DLC1: variants seen among roughly 807,000 people sequenced by gnomAD.
DLC1 encodes rho GTPase-activating protein 7.
Under a neutral mutation model 140.3 loss-of-function variants are expected in DLC1, and 54 were observed. The observed-to-expected ratio is 0.38, with a 90% CI of 0.31 to 0.48. The LOEUF is 0.48. DLC1 is among the 20% of genes least tolerant of loss of function. The pLI is 0.96. For synonymous variants in DLC1, 986 were observed against 728.1 expected, an observed-to-expected ratio of 1.35 and a Z score of -5.70; for missense variants, 2,536 against 1,907.0, an observed-to-expected ratio of 1.33 and a Z score of -6.14.
At chr8:13,394,095 G>A (rs1836902614) in intron 3 of DLC1, among the ~76,000 whole-genome samples, 1 of 152,020 alleles carries the variant, frequency 6.6e-6, no homozygotes, top group African/African-American at 2.4e-5. Flanking sequence ...TTCCTCACAG[G>A]GCCACTGGAT....
chr8:13,333,310 G>A (rs1054966106), intron 4 of DLC1, among the ~76,000 whole-genome samples: 8 of 152,124 alleles, frequency 5.3e-5, no homozygotes, highest in Non-Finnish European at 8.8e-5. Flanking sequence ...ACTGCAGCTT[G>A]GAACACCTGG....
upstream of DLC1, among the ~76,000 whole-genome samples, chr8:13,519,639 A>G (rs1049617753): frequency 3.3e-5 from 5 of 152,204 alleles, no homozygotes; most frequent in African/African-American, 9.7e-5. Context: ...TTAAATTATC[A>G]AAAGTAGCAA....
At chr8:13,438,407 T>A (rs1486177679) in intron 2 of DLC1, among the ~76,000 whole-genome samples, 1 of 152,200 alleles carries the variant, frequency 6.6e-6, no homozygotes, top group African/African-American at 2.4e-5. Flanking sequence ...GCATTCTTTT[T>A]TGTTTCTCTG....
intron 1 of DLC1, among the ~76,000 whole-genome samples, chr8:13,588,696 A>G (rs1033751054): frequency 6.6e-6 from 1 of 152,286 alleles, no homozygotes; most frequent in East Asian, 1.9e-4. Context: ...AAGACAATTC[A>G]GAAATTATGG....
At chr8:13,363,361 C>A (rs576445726) in intron 4 of DLC1, among the ~76,000 whole-genome samples, 2 of 135,268 alleles carry the variant, frequency 1.5e-5, no homozygotes, top group East Asian at 4.4e-4. Flanking sequence ...GAATGCTAAG[C>A]ATTTGCAGTG....
chr8:13,120,864 C>T (rs148316244), intron 5 of DLC1, among the ~76,000 whole-genome samples: 4 of 152,188 alleles, frequency 2.6e-5, no homozygotes, highest in African/African-American at 9.6e-5. Flanking sequence ...CCTGTCTTCC[C>T]ATCACTCCTC....
At chr8:13,556,518 C>T (rs1804050980) in intron 1 of DLC1, among the ~76,000 whole-genome samples, 1 of 152,168 alleles carries the variant, frequency 6.6e-6, no homozygotes, top group African/African-American at 2.4e-5. Context: ...GGTACACTGC[C>T]TCTTCTGAAG....
At chr8:13,118,744 G>A in intron 5 of DLC1, among the ~76,000 whole-genome samples, 1 of 151,702 alleles carries the variant, frequency 6.6e-6, no homozygotes, top group East Asian at 1.9e-4. Flanking sequence ...ATCTACATGC[G>A]AGTCACACAG....
chr8:13,447,546 A>G (rs1482094678), intron 2 of DLC1, among the ~76,000 whole-genome samples: 1 of 152,192 alleles, frequency 6.6e-6, no homozygotes, highest in Non-Finnish European at 1.5e-5. Flanking sequence ...CTTTGTACTT[A>G]TCTACATCTC....
Position 13,356,047 on chromosome 8 carries a change from G to A in DLC1, c.1314+37506C>T, listed in dbSNP as rs190952053. ...GGAGGTTGCAGTGAGCCGGGATCGC[G>A]CCACTGCACTGCAGCCTGAGTGACA... On this transcript the variant is annotated intron_variant, in intron 4 of 17. Transcript: ENST00000276297. 6.1e-5 allele frequency among the ~76,000 whole-genome samples: 7 copies of A among 114,634 alleles called. No individual in the cohort carries two copies. In the East Asian group the frequency reaches 1.5e-3, roughly 25 times the overall value. The allele number at this position is 114,634 out of a possible 152,430, so 75.2% of individuals were successfully genotyped here.
intron 4 of DLC1, among the ~76,000 whole-genome samples, chr8:13,326,428 T>A (rs1833351034): frequency 1.3e-5 from 2 of 152,190 alleles, no homozygotes; most frequent in Non-Finnish European, 2.9e-5. Flanking sequence ...CATTACGTAT[T>A]TATAATTTTT....
chr8:13,457,761 C>G (rs1799475749), intron 2 of DLC1, among the ~76,000 whole-genome samples: 1 of 150,376 alleles, frequency 6.6e-6, no homozygotes. Flanking sequence ...TTCAATGATG[C>G]AATTTAGCAG....
chr8:13,385,274 A>G (rs180736160), intron 4 of DLC1, among the ~76,000 whole-genome samples: 1 of 152,228 alleles, frequency 6.6e-6, no homozygotes, highest in Non-Finnish European at 1.5e-5. Flanking sequence ...AGTAACAACA[A>G]CAACAACACA....
chr8:13,454,957 T>C (rs1799319469), intron 2 of DLC1, among the ~76,000 whole-genome samples: 3 of 152,140 alleles, frequency 2.0e-5, no homozygotes, highest in Admixed American at 2.0e-4. Flanking sequence ...TGGGACTTCT[T>C]TGAAATCTGA....
intron 5 of DLC1, among the ~76,000 whole-genome samples, chr8:13,293,621 C>G (rs1831843482): frequency 1.3e-5 from 2 of 152,180 alleles, no homozygotes; most frequent in Non-Finnish European, 2.9e-5. Context: ...CGGGAGGTTT[C>G]TGCTTTCAAG....
rs367684348 is a variant in DLC1, at chr8:13,424,149, A to G, written c.1024-22530T>C. On this transcript the variant is annotated intron_variant, in intron 2 of 17. Transcript: ENST00000276297. ...ACTGTCCTCACAAACTTTGGAAATTAAAGCAAAACAAAATAACTCATTGTC... is the reference window on the plus strand; with the variant it reads ...ACTGTCCTCACAAACTTTGGAAATTGAAGCAAAACAAAATAACTCATTGTC... Among the ~76,000 whole-genome samples the G allele has an allele frequency of 2.0e-5, 3 of 152,194 alleles. No individual in the cohort carries two copies. In the East Asian group the frequency reaches 5.8e-4, roughly 29 times the overall value.
chr8:13,243,360 A>T (rs1829624044), intron 5 of DLC1, among the ~76,000 whole-genome samples: 1 of 151,250 alleles, frequency 6.6e-6, no homozygotes, highest in Non-Finnish European at 1.5e-5. Context: ...CCACCATGTG[A>T]AGATGTGCTT....
chr8:13,571,213 G>T (rs974572633), intron 1 of DLC1, among the ~76,000 whole-genome samples: 2 of 151,934 alleles, frequency 1.3e-5, no homozygotes, highest in Non-Finnish European at 2.9e-5. Context: ...TTTTCTTGGG[G>T]TAAAATCTAC....
chr8:13,452,038 A>G (rs430888), intron 2 of DLC1, among the ~76,000 whole-genome samples: 77,174 of 151,782 alleles, frequency 0.51, 20,299 homozygotes, highest in African/African-American at 0.64. Flanking sequence ...CTTTATTGCC[A>G]TTAAGTCTGG....
Sources: allele counts gnomAD v4.1 joint callset (sites outside exome capture counted in the v4.1 genomes callset), GRCh38; gene constraint gnomAD v4.1.1; transcripts MANE v1.5; gene names NCBI Gene and HGNC (gene_info 2026-07-23, HGNC 2026-07-21).